Variants in TMC6 observed in about 807,000 individuals in gnomAD.
The protein encoded by TMC6 is transmembrane channel-like protein 6.
A neutral mutation model predicts 95.4 loss-of-function variants in TMC6; 71 were observed. That is an observed-to-expected ratio of 0.74 (90% CI 0.61 to 0.91). TMC6 has a LOEUF of 0.91. TMC6 is among the 40% of genes least tolerant of loss of function. The pLI, the probability that TMC6 is intolerant of heterozygous loss-of-function variation, is 0.00. For missense variants in TMC6, 1,074 were observed against 1,079.1 expected, an observed-to-expected ratio of 1.00 and a Z score of 0.07; for synonymous variants, 514 against 483.1, an observed-to-expected ratio of 1.06 and a Z score of -0.84.
chr17:78,118,455 C>G (rs1316519407), intron 15 of TMC6, among the ~76,000 whole-genome samples: 1 of 152,164 alleles, frequency 6.6e-6, no homozygotes, highest in African/African-American at 2.4e-5. Flanking sequence ...ACTCGGGAGG[C>G]TGAGGCAGGA....
chr17:78,123,071 A>C, intron 9 of TMC6: 1 of 465,066 alleles, frequency 2.2e-6, no homozygotes, highest in Non-Finnish European at 4.0e-6. Flanking sequence ...GCTGGTCCCA[A>C]TGACCAAAAC....
At chr17:78,131,958 C>T (rs772730789), upstream of TMC6, 158 of 1,517,836 alleles carry the variant, frequency 1.0e-4, no homozygotes, top group Non-Finnish European at 1.9e-5. Context: ...GGTGGAAAGG[C>T]GCCTGCGGGA....
In TMC6 at chr17:78,122,733, C is replaced by T. The variant is rs754608724; in HGVS notation, c.1099G>A (p.Gly367Arg). 5.0e-6 allele frequency: 8 copies of T among 1,610,488 alleles called. No homozygotes were observed. Among genetic ancestry groups the T allele is most frequent in the African/African-American group, 2.7e-5 (2 of 74,842 alleles). ...TLVYSMAHSF[G>R]ESYRVGSTSG... ...GTGCTGCCCACCCGGTAGCTCTCCCCGAAAGAGTGAGCCATGCTGGGGAGA... is the reference window on the plus strand; with the variant it reads ...GTGCTGCCCACCCGGTAGCTCTCCCTGAAAGAGTGAGCCATGCTGGGGAGA... The change falls in exon 10 of 20, where the codon GGG becomes AGG. Residue 367 changes from glycine (G) to arginine (R), a missense_variant. Transcript: ENST00000590602. This position sits in a 1 kb window ranked among gnomAD's most constrained non-coding sequence, Gnocchi z 4.9.
At position 78,119,354 on chromosome 17, in the gene TMC6, G is replaced by A. The variant is rs200495626; in HGVS notation, c.1754C>T (p.Pro585Leu). The change falls in exon 14 of 20, where the codon CCG (proline) becomes CTG (leucine). Residue 585 changes from proline (P) to leucine (L), a missense_variant. Pro to Leu is a moderately conservative substitution (Grantham distance 98). Coordinates refer to ENST00000590602, the MANE Select transcript of TMC6 (RefSeq NM_001127198.5). ...SEKKLKRRRK[P>L]EFDIARNVLE... ...GACATTCCGGGCAATGTCAAACTCC[G>A]GCTTCCGCCTCCTCTTCAGCTTCTT... The A allele has an allele frequency of 2.8e-4, 454 of 1,613,908 alleles. No individual in the cohort carries two copies. The highest frequency in any genetic ancestry group is 3.7e-4 in the Non-Finnish European group (434 of 1,180,022).
At chr17:78,120,482 T>G in intron 13 of TMC6, 171 bp downstream of exon 13, 1 of 1,070,314 alleles carries the variant, frequency 9.3e-7, no homozygotes, top group Non-Finnish European at 1.4e-6. Flanking sequence ...TTGAAACCTG[T>G]TTTCCTTTCC....
At position 78,119,287 on chromosome 17, in the gene TMC6, G is replaced by C. The variant is rs2074289837; in HGVS notation, c.1811+10C>G. On this transcript the variant is annotated intron_variant, in intron 14 of 19. Coordinates refer to ENST00000590602, the MANE Select transcript of TMC6 (RefSeq NM_001127198.5). Reference sequence around the variant, plus strand: ...GGCCAGACAGTAGGAGGCAAGCAGAGGACCCTCACCAGGTCAGAGTCTGCC... The same window carrying C: ...GGCCAGACAGTAGGAGGCAAGCAGACGACCCTCACCAGGTCAGAGTCTGCC... The C allele has an allele frequency of 1.2e-6, 2 of 1,613,758 alleles. No individual in the cohort carries two copies. The highest frequency in any genetic ancestry group is 1.7e-6 in the Non-Finnish European group (2 of 1,179,980).
At chr17:78,125,032 ACTCT>A (rs1246684066) in intron 6 of TMC6, 47 bp from the exon 7 acceptor site, 6 of 1,547,582 alleles carry the variant, frequency 3.9e-6, no homozygotes, top group Non-Finnish European at 5.2e-6. Flanking sequence ...GAGGGGCCTG[ACTCT>A]CTCCTTCCTG....
At position 78,108,490 on chromosome 17, in the gene TMC6, AAC is replaced by A. The variant is rs930157564; in HGVS notation, c.*4656_*4657del. The A allele has an allele frequency of 3.9e-5, 6 of 152,338 alleles. No individual in the cohort carries two copies. The highest frequency in any genetic ancestry group is 1.5e-4 in the African/African-American group (6 of 40,328). 9.4% of individuals were successfully genotyped at this position (152,338 alleles called of 1,614,324 possible). The stretch of plus-strand genomic sequence containing the variant: ...TGCCTGAGTTACTACTACAGGGGCA[AAC>A]TGTACCCGTGCCTGTGCGCTGGGAG... On this transcript the variant is annotated 3_prime_UTR_variant, in exon 20 of 20. Coordinates refer to ENST00000590602, the MANE Select transcript of TMC6 (RefSeq NM_001127198.5).
chr17:78,120,896 C>T (rs1189011529), intron 12 of TMC6, 64 bp from the exon 13 acceptor site: 4 of 1,610,728 alleles, frequency 2.5e-6, no homozygotes, highest in Non-Finnish European at 3.4e-6. Flanking sequence ...CACCCCAGGG[C>T]CCCCACCAGG....
At chr17:78,123,890 G>T in intron 9 of TMC6, 99 bp downstream of exon 9, 1 of 1,496,540 alleles carries the variant, frequency 6.7e-7, no homozygotes, top group East Asian at 2.3e-5. Context: ...TAGATGGACA[G>T]AAGGAAGAAA....
chr17:78,110,943 G>A lies in TMC6; in HGVS notation c.*2205C>T, dbSNP rs76958179. 5.5e-4 allele frequency: 49 copies of A among 88,566 alleles called. No individual in the cohort carries two copies. The highest frequency in any genetic ancestry group is 2.8e-3 in the African/African-American group (43 of 15,330). 5.5% of individuals were successfully genotyped at this position (88,566 alleles called of 1,614,324 possible). ...GGGTCTGGGGCCACACGGTGGGTCC[G>A]GAGACAGAAACGAGGAGAGGACGGG... On this transcript the variant is annotated 3_prime_UTR_variant, in exon 20 of 20. Transcript: ENST00000590602.
chr17:78,125,914 G>C, intron 4 of TMC6, 30 bp from the exon 5 acceptor site: 2 of 1,549,746 alleles, frequency 1.3e-6, no homozygotes, highest in Non-Finnish European at 1.7e-6. Context: ...GGGCCGGGCC[G>C]GGCAGGGCCA....
chr17:78,112,866 GCGGGAAGCAGGCCC>G lies in TMC6; in HGVS notation c.*268_*281del, dbSNP rs1387108127. The G allele has an allele frequency of 2.0e-6, 1 of 500,312 alleles. No homozygotes were observed. The highest frequency in any genetic ancestry group is 3.5e-6 in the Non-Finnish European group (1 of 281,890). The allele number at this position is 500,312 out of a possible 1,614,324, so 31.0% of individuals were successfully genotyped here. On this transcript the variant is annotated 3_prime_UTR_variant, in exon 20 of 20. Transcript: ENST00000590602. ...TGCGCCTGGAGGTGGCCCCAGGGCA[GCGGGAAGCAGGCCC>G]CGGGTGTGGTCACAGACACAGAGCC...
upstream of TMC6, chr17:78,131,897 C>T (rs1366890047): frequency 8.9e-6 from 13 of 1,468,304 alleles, no homozygotes; most frequent in Admixed American, 2.4e-5. Context: ...TGCGGGAGCC[C>T]GCGGGGGTGC....
At chr17:78,120,437 G>T in intron 13 of TMC6, 1 of 718,534 alleles carries the variant, frequency 1.4e-6, no homozygotes, top group Non-Finnish European at 2.4e-6. Flanking sequence ...TGGGATTACA[G>T]GCATGAGCCA....
At chr17:78,117,709 C>T (rs978618863) in intron 16 of TMC6, 65 bp from the exon 17 acceptor site, 14 of 1,557,444 alleles carry the variant, frequency 9.0e-6, no homozygotes, top group East Asian at 4.8e-5. Flanking sequence ...CCTCCCAGCC[C>T]GTCCTCTGCA....
Position 78,109,629 on chromosome 17 carries a change from A to G in TMC6, c.*3519T>C, listed in dbSNP as rs1433994665. 1 of 446,814 alleles carries G rather than the reference A, an allele frequency of 2.2e-6. No homozygotes were observed. The highest frequency in any genetic ancestry group is 1.6e-5 in the South Asian group (1 of 63,110). The allele number at this position is 446,814 out of a possible 1,614,324, so 27.7% of individuals were successfully genotyped here. On this transcript the variant is annotated 3_prime_UTR_variant, in exon 20 of 20. Coordinates refer to ENST00000590602, the MANE Select transcript of TMC6 (RefSeq NM_001127198.5). The stretch of plus-strand genomic sequence containing the variant: ...ATGGGCAACAGAAAGACCCCATCTC[A>G]AAAAAGCAGAAGCACATTTCCGAAG...
In TMC6 at chr17:78,111,965, GGGT is replaced by G. The variant is rs1567977122; in HGVS notation, c.*1180_*1182del. On this transcript the variant is annotated 3_prime_UTR_variant, in exon 20 of 20. Transcript: ENST00000590602. ...TGGTCCCCGCAGGCCTGGAGCACTGGGGTCATGACGGGCTGGTTCCCGCAGGCC... is the reference window on the plus strand; with the variant it reads ...TGGTCCCCGCAGGCCTGGAGCACTGGCATGACGGGCTGGTTCCCGCAGGCC... 343 of 188,454 alleles carry G rather than the reference GGGT, an allele frequency of 1.8e-3. No individual in the cohort carries two copies. The highest frequency in any genetic ancestry group is 7.1e-3 in the African/African-American group (155 of 21,768). 11.7% of individuals were successfully genotyped at this position (188,454 alleles called of 1,614,324 possible). A position where few individuals can be genotyped will look rare whatever the true frequency, so the allele number is the denominator to read the frequency against.
At position 78,108,902 on chromosome 17, in the gene TMC6, G is replaced by A. The variant is rs2073764544; in HGVS notation, c.*4246C>T. On this transcript the variant is annotated 3_prime_UTR_variant, in exon 20 of 20. Coordinates refer to ENST00000590602, the MANE Select transcript of TMC6 (RefSeq NM_001127198.5). ...GTCTCCCACGCTGGAGTGCAGTGAT[G>A]TAATCTCGGCTCACTGCAACCTTGA... 1 of 154,286 alleles carries A rather than the reference G, an allele frequency of 6.5e-6. No individual in the cohort carries two copies. The highest frequency in any genetic ancestry group is 1.4e-5 in the Non-Finnish European group (1 of 69,198). The allele number at this position is 154,286 out of a possible 1,614,324, so 9.6% of individuals were successfully genotyped here.
Sources: allele counts gnomAD v4.1 joint callset (sites outside exome capture counted in the v4.1 genomes callset), GRCh38; gene constraint gnomAD v4.1.1; non-coding constraint Gnocchi (gnomAD v3.1); transcripts MANE v1.5; gene names NCBI Gene and HGNC (gene_info 2026-07-23, HGNC 2026-07-21).